The following NEK9 variants were observed in gnomAD, a reference collection of about 807,000 sequenced individuals.
The protein encoded by NEK9 is NIMA related kinase 9.
Under a neutral mutation model 123.4 loss-of-function variants are expected in NEK9, and 75 were observed. The ratio of observed to expected loss-of-function variants is 0.61; its 90% CI spans 0.50 to 0.74. The LOEUF (loss-of-function observed/expected upper bound fraction) is 0.74. NEK9 is among the 30% of genes least tolerant of loss of function. The probability of loss-of-function intolerance (pLI) is 0.00; values close to 1 mark genes in which losing one functional copy is unlikely to be tolerated. For missense variants in NEK9, 952 were observed against 1,214.4 expected, an observed-to-expected ratio of 0.78 and a Z score of 3.21; for synonymous variants, 438 against 458.7, an observed-to-expected ratio of 0.95 and a Z score of 0.58.
intron 17 of NEK9, 157 bp downstream of exon 17, chr14:75,096,943 G>C (rs976570598): frequency 1.2e-5 from 6 of 512,474 alleles, no homozygotes; most frequent in Non-Finnish European, 1.6e-5. Flanking sequence ...ACAATGTTCT[G>C]TTCCCACCAC....
intron 18 of NEK9, among the ~76,000 whole-genome samples, chr14:75,091,950 C>T (rs902086177): frequency 2.0e-5 from 3 of 151,992 alleles, no homozygotes; most frequent in South Asian, 2.1e-4. Flanking sequence ...ACTCCCTGTC[C>T]GGGGAAAATC....
chr14:75,083,644 A>T lies in NEK9; in HGVS notation c.*920T>A, dbSNP rs1893931191. 6.6e-6 allele frequency: 1 copy of T among 152,238 alleles called. No homozygotes were observed. Among genetic ancestry groups the T allele is most frequent in the Admixed American group, 6.5e-5 (1 of 15,284 alleles). 9.4% of individuals were successfully genotyped at this position (152,238 alleles called of 1,614,324 possible). A position where few individuals can be genotyped will look rare whatever the true frequency, so the allele number is the denominator to read the frequency against. On this transcript the variant is annotated 3_prime_UTR_variant, in exon 22 of 22. Coordinates refer to ENST00000238616, the MANE Select transcript of NEK9 (RefSeq NM_033116.6). The stretch of plus-strand genomic sequence containing the variant: ...GAGCCATGAAGGCAGAGGCTCAAAG[A>T]AGTCTTTTCATGGGCAGAAGACTGA...
At chr14:75,096,952 A>T in intron 17 of NEK9, 148 bp downstream of exon 17, 2 of 556,060 alleles carry the variant, frequency 3.6e-6, no homozygotes, top group Non-Finnish European at 5.9e-6. Context: ...TGTTCCCACC[A>T]CTAGGCATGG....
chr14:75,108,496 T>C (rs1479728420), intron 10 of NEK9, among the ~76,000 whole-genome samples: 2 of 143,676 alleles, frequency 1.4e-5, no homozygotes, highest in East Asian at 2.1e-4. Context: ...ATTTTATATA[T>C]ATATGTGTGT....
rs1209878140 is a variant in NEK9, at chr14:75,109,747, C to T, written c.1120G>A (p.Val374Ile). ...VIKSGCSARQ[V>I]CAGNTHFAVV... ...GCAAAGTGGGTATTCCCTGCACAGACCTGCCGGGCACTACAGCCACTCTTG... is the reference window on the plus strand; with the variant it reads ...GCAAAGTGGGTATTCCCTGCACAGATCTGCCGGGCACTACAGCCACTCTTG... The change falls in exon 10 of 22, where the codon GTC (valine) becomes ATC (isoleucine). Residue 374 changes from valine to isoleucine, a missense_variant. Coordinates refer to ENST00000238616, the MANE Select transcript of NEK9 (RefSeq NM_033116.6). 2.5e-6 allele frequency: 4 copies of T among 1,614,186 alleles called. No homozygotes were observed. Among genetic ancestry groups the T allele is most frequent in the Non-Finnish European group, 3.4e-6 (4 of 1,180,024 alleles).
At chr14:75,113,490 A>G (rs1895024204) in intron 7 of NEK9, 87 bp from the exon 8 acceptor site, 2 of 923,806 alleles carry the variant, frequency 2.2e-6, no homozygotes, top group Admixed American at 2.2e-5. Flanking sequence ...AGACCACTGC[A>G]TTATCCTTTT....
chr14:75,080,702 G>A lies in NEK9; in HGVS notation c.*3862C>T, dbSNP rs539935824. 5.9e-5 allele frequency: 9 copies of A among 151,672 alleles called. No homozygotes were observed. Among genetic ancestry groups the A allele is most frequent in the African/African-American group, 2.2e-4 (9 of 41,340 alleles). 9.4% of individuals were successfully genotyped at this position (151,672 alleles called of 1,614,324 possible). On this transcript the variant is annotated 3_prime_UTR_variant, in exon 22 of 22. Transcript: ENST00000238616. ...GTCACCCAGGCTGGAGTGCAGTGGA[G>A]TGATCTTGGCCCACTGCAAGCTCCG...
chr14:75,118,744 A>G, intron 5 of NEK9, 86 bp downstream of exon 5: 1 of 809,216 alleles, frequency 1.2e-6, no homozygotes, highest in Non-Finnish European at 2.0e-6. Flanking sequence ...AAGAATATTG[A>G]GAAAAGTATG....
chr14:75,085,055 A>T, intron 21 of NEK9: 1 of 222,436 alleles, frequency 4.5e-6, no homozygotes, highest in Non-Finnish European at 9.3e-6. Context: ...GCTTACGCCG[A>T]AGTGCAGTGG....
In NEK9 at chr14:75,126,862, G is replaced by T. The variant is rs1895552892; in HGVS notation, c.60C>A (p.Ser20Arg). 1.3e-6 allele frequency: 2 copies of T among 1,528,692 alleles called. No homozygotes were observed. Among genetic ancestry groups the T allele is most frequent in the South Asian group, 2.4e-5 (2 of 81,696 alleles). The allele number at this position is 1,528,692 out of a possible 1,614,324, so 94.7% of individuals were successfully genotyped here. ...HCDSINSDFGSESGGCGDSSP... is the reference protein window; with the variant it reads ...HCDSINSDFGRESGGCGDSSP... ...TCGAGTCCCCGCAACCCCCGGACTC[G>T]CTCCCAAAGTCCGAGTTGATGGAAT... The change falls in exon 1 of 22, where the codon AGC becomes AGA. Residue 20 changes from serine (S) to arginine (R), a missense_variant. This residue lies in a region of NEK9 where 120 missense variants were observed against 97.6 expected (regional missense o/e 1.23). Coordinates refer to ENST00000238616, the MANE Select transcript of NEK9 (RefSeq NM_033116.6).
At chr14:75,114,402 T>C in intron 6 of NEK9, 89 bp from the exon 7 acceptor site, 1 of 1,011,166 alleles carries the variant, frequency 9.9e-7, no homozygotes, top group South Asian at 1.4e-5. Context: ...TCTGTGACCA[T>C]TATTTAAAGA....
At chr14:75,093,136 GCTTAAA>G (rs1242783979) in intron 18 of NEK9, among the ~76,000 whole-genome samples, 5 of 152,072 alleles carry the variant, frequency 3.3e-5, no homozygotes, top group African/African-American at 7.3e-5. Context: ...ATATGTGCCC[GCTTAAA>G]CTTAAAGAGA....
intron 10 of NEK9, among the ~76,000 whole-genome samples, chr14:75,109,025 A>G (rs1318855132): frequency 6.6e-6 from 1 of 152,234 alleles, no homozygotes; most frequent in Non-Finnish European, 1.5e-5. Flanking sequence ...CGAGAGGTCA[A>G]GCTAGGTAAG....
chr14:75,120,824 T>A (rs563553059), intron 3 of NEK9: 7 of 585,170 alleles, frequency 1.2e-5, no homozygotes, highest in East Asian at 1.1e-4. Flanking sequence ...AAAGCAGACA[T>A]GTAGGAAAAT....
At chr14:75,095,090 A>C (rs140984453) in intron 18 of NEK9, among the ~76,000 whole-genome samples, 3 of 152,330 alleles carry the variant, frequency 2.0e-5, no homozygotes, top group Admixed American at 6.5e-5. Context: ...TAGAATAGTA[A>C]GGAAAGGAAT....
intron 9 of NEK9, 122 bp from the exon 10 acceptor site, chr14:75,109,999 C>G (rs1014760471): frequency 9.8e-7 from 1 of 1,022,246 alleles, no homozygotes. Context: ...TGTTCTTTCT[C>G]GACAACTTGT....
At position 75,087,901 on chromosome 14, in the gene NEK9, T is replaced by C. The variant is rs1438853786; in HGVS notation, c.2604+579A>G. ...CACAAGGATGCCCATTCATTATGTA[T>C]TACTTGAAGCTGCTTTTTGTGCTAC... On this transcript the variant is annotated intron_variant, in intron 20 of 21. Coordinates refer to ENST00000238616, the MANE Select transcript of NEK9 (RefSeq NM_033116.6). Among the ~76,000 whole-genome samples the C allele has an allele frequency of 2.6e-5, 4 of 152,228 alleles. No homozygotes were observed. In the East Asian group the frequency reaches 7.7e-4, roughly 29 times the overall value.
In NEK9 at chr14:75,087,183, T is replaced by C. The variant is rs757423193; in HGVS notation, c.2652A>G (p.Pro884=). 1 of 1,614,114 alleles carries C rather than the reference T, an allele frequency of 6.2e-7. No individual in the cohort carries two copies. The highest frequency in any genetic ancestry group is 8.5e-7 in the Non-Finnish European group (1 of 1,179,994). Residue 884 remains proline, a synonymous_variant, in exon 21 of 22, where the codon CCA becomes CCG. Transcript: ENST00000238616. ...PAVTCAGKGT[P]LTPPACACSS... ...TGCACGCACACGCAGGAGGAGTCAG[T>C]GGTGTTCCCTTCCCAGCACAGGTTA...
At chr14:75,115,736 GC>G (rs763148019) in intron 6 of NEK9, among the ~76,000 whole-genome samples, 1 of 152,126 alleles carries the variant, frequency 6.6e-6, no homozygotes, top group Non-Finnish European at 1.5e-5. Context: ...AGCAGCATCA[GC>G]ATCACTTGGG....
Sources: allele counts gnomAD v4.1 joint callset (sites outside exome capture counted in the v4.1 genomes callset), GRCh38; gene constraint gnomAD v4.1.1; regional missense constraint gnomAD v4.1.1; transcripts MANE v1.5; gene names NCBI Gene and HGNC (gene_info 2026-07-23, HGNC 2026-07-21).